MIS18BP1: variants seen among roughly 807,000 people sequenced by gnomAD.
MIS18BP1 encodes MIS18 binding protein 1.
Under a neutral mutation model 116.1 loss-of-function variants are expected in MIS18BP1, and 72 were observed. The observed-to-expected ratio is 0.62, with a 90% CI of 0.51 to 0.75. MIS18BP1 has a LOEUF of 0.75. Ranked by LOEUF, MIS18BP1 falls within the 30% of genes least tolerant of loss-of-function variation. The pLI is 0.00. For synonymous variants in MIS18BP1, 386 were observed against 427.0 expected (o/e 0.90, Z 1.18); for missense variants, 1,363 against 1,303.2 (o/e 1.05, Z -0.71).
rs753494607 is a variant in MIS18BP1, at chr14:45,206,119, A to G, written c.3204T>C (p.Asn1068=). Residue 1068 remains asparagine, a synonymous_variant, in exon 15 of 17, where the codon AAT becomes AAC. Transcript: ENST00000310806. ...TGATGTTGCCCCAGACAATACCACC[A>G]TTACTTTTATGATATTTTTGCATAC... ...VFRMQKYHKS[N]GGIVWGNIKK... is the part of the protein sequence containing the mutation. 19 of 1,608,922 alleles carry G rather than the reference A, an allele frequency of 1.2e-5. No individual in the cohort carries two copies. The highest frequency in any genetic ancestry group is 1.6e-5 in the Non-Finnish European group (19 of 1,175,864).
At chr14:45,208,333 T>G (rs947014828) in intron 14 of MIS18BP1, among the ~76,000 whole-genome samples, 7 of 148,248 alleles carry the variant, frequency 4.7e-5, no homozygotes, top group Admixed American at 2.7e-4. Context: ...TGAAGTTGTT[T>G]TTTTTTTTTT....
rs1566823300 is a variant in MIS18BP1, at chr14:45,246,778, T to C, written c.509A>G (p.Asn170Ser). The stretch of plus-strand genomic sequence containing the variant: ...ACTGTCATCTGACTGGAATGATTTG[T>C]TGTTTTCCTTTTCTTCACATAGGTA... ...HTYLCEEKEN[N>S]KSFQSDDSSL... The change falls in exon 2 of 17, where the codon AAC becomes AGC. Residue 170 changes from asparagine (N) to serine (S), a missense_variant. Transcript: ENST00000310806. The C allele has an allele frequency of 6.3e-7, 1 of 1,577,964 alleles. No individual in the cohort carries two copies. The highest frequency in any genetic ancestry group is 8.6e-7 in the Non-Finnish European group (1 of 1,169,544).
rs577001797 is a variant in MIS18BP1 at position 45,247,337 on chromosome 14, C to T, written c.-51G>A. The stretch of plus-strand genomic sequence containing the variant: ...TCTTCTAACAGAAAATTCACTTAAG[C>T]GCAATTTTCAGATAGAACTTCAGAA... On this transcript the variant is annotated 5_prime_UTR_variant, in exon 2 of 17. Coordinates refer to ENST00000310806, the MANE Select transcript of MIS18BP1 (RefSeq NM_018353.5). 21 of 1,461,838 alleles carry T rather than the reference C, an allele frequency of 1.4e-5. No individual in the cohort carries two copies. The African/African-American group carries it at 2.3e-4, about 16-fold the overall frequency. 90.6% of individuals were successfully genotyped at this position (1,461,838 alleles called of 1,614,324 possible). A position where few individuals can be genotyped will look rare whatever the true frequency, so the allele number is the denominator to read the frequency against.
chr14:45,224,694 C>G lies in MIS18BP1; in HGVS notation c.1893G>C (p.Gln631His), dbSNP rs1483687499. Residue 631 changes from glutamine (Q) to histidine (H), a missense_variant, in exon 11 of 17, where the codon CAG (glutamine) becomes CAC (histidine). Transcript: ENST00000310806. ...ATTTTCTTTCTTCATCTGAGAAAAA[C>G]TGTTCCCTTGAGGTTAGAATATCAA... ...VSIDILTSRE[Q>H]FFSDEERKYM... 2 of 1,609,662 alleles carry G rather than the reference C, an allele frequency of 1.2e-6. No homozygotes were observed. The highest frequency in any genetic ancestry group is 1.7e-6 in the Non-Finnish European group (2 of 1,178,764).
chr14:45,218,957 C>A (rs1362826303), intron 11 of MIS18BP1, among the ~76,000 whole-genome samples: 2 of 149,162 alleles, frequency 1.3e-5, no homozygotes, highest in African/African-American at 4.9e-5. Context: ...TATATGCTCT[C>A]TTAATTAAGG....
rs1467630300 is a variant in MIS18BP1 at position 45,203,436 on chromosome 14, T to C, written c.*673A>G. 1 of 152,166 alleles carries C rather than the reference T, an allele frequency of 6.6e-6. No homozygotes were observed. The highest frequency in any genetic ancestry group is 1.5e-5 in the Non-Finnish European group (1 of 68,012). 9.4% of individuals were successfully genotyped at this position (152,166 alleles called of 1,614,324 possible). ...TCAAAATATTTAAGCTGTTTCTGCA[T>C]ATGTAAATAAGGCTTAAAAATTAGA... On this transcript the variant is annotated 3_prime_UTR_variant, in exon 17 of 17. Coordinates refer to ENST00000310806, the MANE Select transcript of MIS18BP1 (RefSeq NM_018353.5).
At chr14:45,241,967 A>G in intron 4 of MIS18BP1, 67 bp downstream of exon 4, 4 of 1,479,544 alleles carry the variant, frequency 2.7e-6, no homozygotes, top group Non-Finnish European at 3.6e-6. Flanking sequence ...AGAGAACATT[A>G]AAAGCTCAAG....
chr14:45,218,184 C>T, intron 12 of MIS18BP1, 98 bp downstream of exon 12: 1 of 1,254,930 alleles, frequency 8.0e-7, no homozygotes, highest in South Asian at 1.5e-5. Context: ...AAGAAAATAC[C>T]TATTAATATT....
At chr14:45,233,862 A>C (rs569175386) in intron 6 of MIS18BP1, among the ~76,000 whole-genome samples, 1 of 152,306 alleles carries the variant, frequency 6.6e-6, no homozygotes, top group African/African-American at 2.4e-5. Flanking sequence ...GCAGGTGGAA[A>C]ATGAATTGGG....
intron 13 of MIS18BP1, among the ~76,000 whole-genome samples, chr14:45,212,938 A>AGGC (rs1890715453): frequency 1.3e-5 from 2 of 152,222 alleles, no homozygotes; most frequent in African/African-American, 4.8e-5. Context: ...TTCTGAGAGT[A>AGGC]CTTTCTTTCC....
chr14:45,216,896 G>T, intron 13 of MIS18BP1, 123 bp downstream of exon 13: 1 of 1,008,072 alleles, frequency 9.9e-7, no homozygotes, highest in Non-Finnish European at 1.5e-6. Context: ...ATAAGACTAT[G>T]ATCATGTCTA....
intron 14 of MIS18BP1, among the ~76,000 whole-genome samples, chr14:45,208,280 A>T (rs141092847): frequency 5.2e-4 from 78 of 150,362 alleles, no homozygotes; most frequent in African/African-American, 1.6e-3. Flanking sequence ...TCCAAATCTC[A>T]TATTTCCTTA....
chr14:45,227,336 G>A (rs1413768462), intron 9 of MIS18BP1, among the ~76,000 whole-genome samples: 2 of 151,800 alleles, frequency 1.3e-5, no homozygotes, highest in Admixed American at 1.3e-4. Flanking sequence ...GTGAAACCCC[G>A]TTACTACTAA....
At position 45,237,724 on chromosome 14, in the gene MIS18BP1, A is replaced by C. The variant is rs748745660; in HGVS notation, c.1144-3T>G. 6.3e-7 allele frequency: 1 copy of C among 1,596,854 alleles called. No individual in the cohort carries two copies. The highest frequency in any genetic ancestry group is 1.1e-5 in the South Asian group (1 of 87,574). ...ATCCATTCCTGTAGCTGAACTACCT[A>C]ATCAAGTATAAAACAAAGAACATAT... On this transcript the variant is annotated splice_region_variant and splice_polypyrimidine_tract_variant and intron_variant, in intron 4 of 16. Transcript: ENST00000310806.
chr14:45,204,040 C>T lies in MIS18BP1; in HGVS notation c.*69G>A. The T allele has an allele frequency of 1.3e-6, 2 of 1,548,430 alleles. No homozygotes were observed. The highest frequency in any genetic ancestry group is 2.3e-5 in the East Asian group (1 of 42,842). ...CTACTTTACAAAGAAAATACATGTA[C>T]TCCAGTTGAAAATACAAACACTGTC... On this transcript the variant is annotated 3_prime_UTR_variant, in exon 17 of 17. Transcript: ENST00000310806.
chr14:45,205,782 T>C (rs1349249516), intron 15 of MIS18BP1, among the ~76,000 whole-genome samples: 1 of 152,206 alleles, frequency 6.6e-6, no homozygotes, highest in African/African-American at 2.4e-5. Context: ...TTGTGTTTTG[T>C]GTTTTTGTGT....
At chr14:45,221,706 TATTC>T (rs980144949) in intron 11 of MIS18BP1, among the ~76,000 whole-genome samples, 1 of 152,202 alleles carries the variant, frequency 6.6e-6, no homozygotes, top group African/African-American at 2.4e-5. Flanking sequence ...GGAAATAACC[TATTC>T]TTTTTCTTAT....
At position 45,242,031 on chromosome 14, in the gene MIS18BP1, C is replaced by T; in HGVS notation, c.1143+3G>A. The T allele has an allele frequency of 6.3e-7, 1 of 1,592,056 alleles. No homozygotes were observed. The highest frequency in any genetic ancestry group is 8.5e-7 in the Non-Finnish European group (1 of 1,170,508). On this transcript the variant is annotated splice_donor_region_variant and intron_variant, in intron 4 of 16. Transcript: ENST00000310806. ...TAAATATCTGTCTTAAAAGTTTTCC[C>T]ACCTGATTTTTTTTAAGTCCATTTG... is the stretch of plus-strand genomic sequence containing the variant.
chr14:45,220,267 G>A (rs1890937687), intron 11 of MIS18BP1, among the ~76,000 whole-genome samples: 6 of 151,924 alleles, frequency 3.9e-5, no homozygotes, highest in Admixed American at 3.9e-4. Context: ...CATTCTTTCA[G>A]TATTTCCAAA....
Sources: gnomAD v4.1 joint callset for allele counts (sites outside exome capture counted in the v4.1 genomes callset) on GRCh38, gnomAD v4.1.1 for gene constraint, MANE v1.5 for transcripts, NCBI Gene and HGNC (gene_info 2026-07-23, HGNC 2026-07-21) for gene names.